Variants in RC3H1 observed in about 807,000 individuals in gnomAD.
The protein encoded by RC3H1 is roquin-1.
RC3H1 carries 50 observed loss-of-function variants against 138.2 expected under a neutral mutation model. That is an observed-to-expected ratio of 0.36 (90% CI 0.29 to 0.46). The LOEUF (loss-of-function observed/expected upper bound fraction) is 0.46, where lower values mean the gene tolerates loss of function less well. Ranked by LOEUF, RC3H1 falls within the 20% of genes least tolerant of loss-of-function variation. The pLI is 1.00. For missense variants in RC3H1, 1,031 were observed against 1,388.1 expected, an observed-to-expected ratio of 0.74 and a Z score of 4.09; for synonymous variants, 462 against 489.1, an observed-to-expected ratio of 0.94 and a Z score of 0.73.
rs1172768214 is a variant in RC3H1, at chr1:173,936,753, ATATATATATTTTTT to A, written c.*1954_*1967del. On this transcript the variant is annotated 3_prime_UTR_variant, in exon 20 of 20. Coordinates refer to ENST00000367696, the MANE Select transcript of RC3H1 (RefSeq NM_172071.4). The stretch of plus-strand genomic sequence containing the variant: ...TACATATATATATATATATATATAT[ATATATATATTTTTT>A]TTTTTTTTTTTAAAAAAAGAAGACA... 243 of 48,086 alleles carry A rather than the reference ATATATATATTTTTT, an allele frequency of 5.1e-3. 13 individuals carry two copies. The South Asian group carries it at 0.12, about 23-fold the overall frequency. The allele number at this position is 48,086 out of a possible 1,614,324, so 3.0% of individuals were successfully genotyped here. A position where few individuals can be genotyped will look rare whatever the true frequency, so the allele number is the denominator to read the frequency against.
intron 7 of RC3H1, among the ~76,000 whole-genome samples, chr1:173,973,259 C>T (rs1009646460): frequency 3.3e-5 from 5 of 152,014 alleles, no homozygotes; most frequent in Non-Finnish European, 4.4e-5. Context: ...TTTAATAAGC[C>T]GGGCACAGTG....
chr1:173,942,585 C>T (rs1319511457), intron 18 of RC3H1, among the ~76,000 whole-genome samples: 2 of 152,016 alleles, frequency 1.3e-5, no homozygotes, highest in Non-Finnish European at 2.9e-5. Context: ...GTAATCCCAG[C>T]ACTTTGGGAG....
At chr1:174,006,110 G>A (rs1661648197) in intron 1 of RC3H1, among the ~76,000 whole-genome samples, 1 of 152,096 alleles carries the variant, frequency 6.6e-6, no homozygotes, top group African/African-American at 2.4e-5. Context: ...GGGAGGCTGA[G>A]GCAGGAGAAT....
chr1:174,002,746 A>T (rs1260091301), intron 1 of RC3H1, among the ~76,000 whole-genome samples: 2 of 152,176 alleles, frequency 1.3e-5, no homozygotes, highest in Non-Finnish European at 2.9e-5. Context: ...GCCCTTTTCT[A>T]GGTTCTATAC....
intron 9 of RC3H1, among the ~76,000 whole-genome samples, chr1:173,966,337 A>T (rs1343644539): frequency 6.6e-6 from 1 of 152,220 alleles, no homozygotes; most frequent in Non-Finnish European, 1.5e-5. Flanking sequence ...AAAGGAAAAA[A>T]TATAAGCCAT....
intron 2 of RC3H1, among the ~76,000 whole-genome samples, chr1:173,987,665 G>C (rs1248236845): frequency 2.0e-5 from 3 of 151,992 alleles, no homozygotes; most frequent in African/African-American, 7.3e-5. Flanking sequence ...ATTACTATTG[G>C]GGTGTTGTTC....
intron 1 of RC3H1, among the ~76,000 whole-genome samples, chr1:174,011,951 G>A (rs183289473): frequency 2.6e-5 from 4 of 152,208 alleles, no homozygotes; most frequent in Admixed American, 6.5e-5. Context: ...GGTGGCTCAT[G>A]ACTAATCCCA....
At chr1:173,986,199 T>C (rs1322092492) in intron 2 of RC3H1, among the ~76,000 whole-genome samples, 1 of 152,180 alleles carries the variant, frequency 6.6e-6, no homozygotes, top group East Asian at 1.9e-4. Flanking sequence ...CAATTTCCCC[T>C]ATTATTAACA....
At chr1:173,949,725 T>C (rs1434641613) in intron 14 of RC3H1, among the ~76,000 whole-genome samples, 1 of 151,974 alleles carries the variant, frequency 6.6e-6, no homozygotes, top group African/African-American at 2.4e-5. Context: ...ATAAGAATGT[T>C]TGAAGAATGT....
At chr1:174,013,324 C>T (rs1571243771) in intron 1 of RC3H1, among the ~76,000 whole-genome samples, 1 of 151,748 alleles carries the variant, frequency 6.6e-6, no homozygotes, top group African/African-American at 2.4e-5. Flanking sequence ...CAGTGCTTTC[C>T]AATATGGTAG....
chr1:173,941,595 AATG>A, intron 18 of RC3H1: 1 of 433,896 alleles, frequency 2.3e-6, no homozygotes. Flanking sequence ...TAAGACAGAC[AATG>A]CCTCAAGCTA....
chr1:173,947,291 T>G (rs554006887), intron 15 of RC3H1, 78 bp downstream of exon 15: 1 of 943,162 alleles, frequency 1.1e-6, no homozygotes. Context: ...AAAACACTGA[T>G]AGTAAATGGA....
chr1:173,989,736 T>C (rs1661186976), intron 2 of RC3H1, among the ~76,000 whole-genome samples: 1 of 143,460 alleles, frequency 7.0e-6, no homozygotes, highest in East Asian at 2.0e-4. Context: ...TTTTTTTTTT[T>C]TGAGACGGAG....
In RC3H1 at chr1:173,952,098, C is replaced by A; in HGVS notation, c.2411G>T (p.Gly804Val). ...EDLKVAGKYK[G>V]NDYSQYSPWS... is the part of the protein sequence containing the mutation. ...GGGAGAGTATTGGCTATAATCATTT[C>A]CTTTGTATTTCCCAGCTACCTTCAA... The change falls in exon 14 of 20, where the codon GGA becomes GTA. Residue 804 changes from glycine (G) to valine (V), a missense_variant. Coordinates refer to ENST00000367696, the MANE Select transcript of RC3H1 (RefSeq NM_172071.4). 2 of 1,592,622 alleles carry A rather than the reference C, an allele frequency of 1.3e-6. No homozygotes were observed. The highest frequency in any genetic ancestry group is 1.2e-5 in the South Asian group (1 of 86,868).
At chr1:174,013,195 A>G (rs905270760) in intron 1 of RC3H1, among the ~76,000 whole-genome samples, 1 of 152,040 alleles carries the variant, frequency 6.6e-6, no homozygotes, top group Non-Finnish European at 1.5e-5. Flanking sequence ...GCAACAAAAC[A>G]AAATAGATAA....
Position 173,973,407 on chromosome 1 carries a change from G to A in RC3H1, c.1103-780C>T, listed in dbSNP as rs371734125. 2.6e-5 allele frequency among the ~76,000 whole-genome samples: 4 copies of A among 151,932 alleles called. No individual in the cohort carries two copies. In the East Asian group the frequency reaches 5.8e-4, roughly 22 times the overall value. On this transcript the variant is annotated intron_variant, in intron 7 of 19. Coordinates refer to ENST00000367696, the MANE Select transcript of RC3H1 (RefSeq NM_172071.4). Reference sequence around the variant, plus strand: ...AAAAATTACCCAGGCATGGTGGCACGCGCCTATAGTCCCAGCAACTTAGGA... The same window carrying A: ...AAAAATTACCCAGGCATGGTGGCACACGCCTATAGTCCCAGCAACTTAGGA...
chr1:173,944,568 AAAACAAAC>A (rs760642610), intron 17 of RC3H1, among the ~76,000 whole-genome samples: 13 of 152,186 alleles, frequency 8.5e-5, no homozygotes, highest in African/African-American at 3.1e-4. Flanking sequence ...TAAAGTATAT[AAAACAAAC>A]AAACAAACAA....
chr1:173,945,868 C>T (rs141145413), intron 17 of RC3H1, among the ~76,000 whole-genome samples: 4,973 of 152,000 alleles, frequency 0.033, 99 homozygotes, highest in Middle Eastern at 0.095. Context: ...CCACCATGCC[C>T]GGCTAATTTT....
At chr1:173,990,082 T>C (rs1398756604) in intron 2 of RC3H1, among the ~76,000 whole-genome samples, 1 of 144,728 alleles carries the variant, frequency 6.9e-6, no homozygotes, top group African/African-American at 2.6e-5. Flanking sequence ...AATATAGTTT[T>C]ACATTTTTTT....
Sources: gnomAD v4.1 joint callset for allele counts (sites outside exome capture counted in the v4.1 genomes callset) on GRCh38, gnomAD v4.1.1 for gene constraint, MANE v1.5 for transcripts, NCBI Gene and HGNC (gene_info 2026-07-23, HGNC 2026-07-21) for gene names.